Variants in RAP1GDS1 observed in about 807,000 individuals in gnomAD.
RAP1GDS1 encodes the protein Rap1 GTPase-GDP dissociation stimulator 1.
RAP1GDS1 carries 35 observed loss-of-function variants against 71.1 expected under a neutral mutation model. The observed-to-expected ratio is 0.49, with a 90% confidence interval of 0.38 to 0.65. The LOEUF (loss-of-function observed/expected upper bound fraction) is 0.65, where lower values mean the gene tolerates loss of function less well. Among genes scored for constraint, RAP1GDS1 ranks in the 30% least tolerant of loss-of-function variants. The pLI is 0.00. For missense variants in RAP1GDS1, 663 were observed against 706.1 expected (o/e 0.94, Z 0.69); for synonymous variants, 229 against 243.1 (o/e 0.94, Z 0.54).
chr4:98,392,923 C>G (rs995086960), intron 6 of RAP1GDS1, among the ~76,000 whole-genome samples: 1 of 152,112 alleles, frequency 6.6e-6, no homozygotes, highest in Admixed American at 6.6e-5. Context: ...GCTGGAAACA[C>G]ATCCTAGTCA....
intron 2 of RAP1GDS1, among the ~76,000 whole-genome samples, chr4:98,327,171 A>G (rs572895614): frequency 5.9e-5 from 9 of 152,212 alleles, no homozygotes; most frequent in Non-Finnish European, 8.8e-5. Context: ...TCTAAAGTAC[A>G]GTAAGCATAT....
intron 1 of RAP1GDS1, among the ~76,000 whole-genome samples, chr4:98,282,142 TTCCC>T (rs1401983533): frequency 6.6e-6 from 1 of 152,166 alleles, no homozygotes; most frequent in Non-Finnish European, 1.5e-5. Context: ...TTAGGGAGGA[TTCCC>T]TCTTTTTCTA....
chr4:98,316,308 A>G (rs1243647645), intron 2 of RAP1GDS1, among the ~76,000 whole-genome samples: 1 of 152,166 alleles, frequency 6.6e-6, no homozygotes, highest in Non-Finnish European at 1.5e-5. Flanking sequence ...GGTTTAAAAA[A>G]TGTTTAATAA....
At chr4:98,328,673 T>C (rs964087618) in intron 2 of RAP1GDS1, among the ~76,000 whole-genome samples, 1 of 152,162 alleles carries the variant, frequency 6.6e-6, no homozygotes, top group African/African-American at 2.4e-5. Flanking sequence ...CTCTGTATAG[T>C]CATCGTGATT....
chr4:98,421,299 C>G lies in RAP1GDS1; in HGVS notation c.1345C>G (p.Arg449Gly). The part of the protein sequence containing the change: ...QLGKNVKLVE[R>G]LVEWCEAKDH... ...GGGAAAGAATGTTAAGTTAGTGGAG[C>G]GTTTGGTGGAATGGTGTGAAGCCAA... is the stretch of plus-strand genomic sequence containing the variant. The change falls in exon 12 of 15, where the codon CGT becomes GGT. Residue 449 changes from arginine to glycine, a missense_variant. Coordinates refer to ENST00000408927, the MANE Select transcript of RAP1GDS1 (RefSeq NM_001100427.2). The G allele has an allele frequency of 1.2e-6, 2 of 1,610,774 alleles. No homozygotes were observed. The highest frequency in any genetic ancestry group is 1.7e-6 in the Non-Finnish European group (2 of 1,178,066).
Position 98,443,015 on chromosome 4 carries a change from ATTTT to A in RAP1GDS1, c.*918_*921del, listed in dbSNP as rs397994660. The A allele has an allele frequency of 3.5e-4, 49 of 138,122 alleles. No homozygotes were observed. Among genetic ancestry groups the A allele is most frequent in the Non-Finnish European group, 4.3e-4 (32 of 74,984 alleles). 8.6% of individuals were successfully genotyped at this position (138,122 alleles called of 1,614,324 possible). A position where few individuals can be genotyped will look rare whatever the true frequency, so the allele number is the denominator to read the frequency against. ...TGAGTATAGTTCATTGAAGAATGGA[ATTTT>A]TTTTTTTTTTTTTTTTTTTGCTGTT... On this transcript the variant is annotated 3_prime_UTR_variant, in exon 15 of 15. Coordinates refer to ENST00000408927, the MANE Select transcript of RAP1GDS1 (RefSeq NM_001100427.2).
At chr4:98,423,353 T>C (rs1455956905) in intron 12 of RAP1GDS1, among the ~76,000 whole-genome samples, 10 of 152,182 alleles carry the variant, frequency 6.6e-5, no homozygotes, top group Non-Finnish European at 1.3e-4. Context: ...TAAAGCAGTA[T>C]TGCTAGAACA....
At chr4:98,325,622 G>C (rs1211601738) in intron 2 of RAP1GDS1, among the ~76,000 whole-genome samples, 2 of 150,806 alleles carry the variant, frequency 1.3e-5, no homozygotes, top group African/African-American at 4.9e-5. Context: ...GTCCTTTGTA[G>C]GGACATGGAT....
At chr4:98,303,878 A>T (rs1406813092) in intron 2 of RAP1GDS1, among the ~76,000 whole-genome samples, 3 of 151,578 alleles carry the variant, frequency 2.0e-5, no homozygotes, top group Non-Finnish European at 4.4e-5. Flanking sequence ...TACAGACCCC[A>T]TTGTGTGGTG....
chr4:98,443,456 T>A lies in RAP1GDS1; in HGVS notation c.*1339T>A, dbSNP rs1168957506. The stretch of plus-strand genomic sequence containing the variant: ...ACCTGCCTTCTCCCCATACCCAAAT[T>A]TGACCACTACTGGCCTAAAAGGCAA... On this transcript the variant is annotated 3_prime_UTR_variant, in exon 15 of 15. Transcript: ENST00000408927. 4.3e-6 allele frequency: 1 copy of A among 230,266 alleles called. No homozygotes were observed. Among genetic ancestry groups the A allele is most frequent in the Non-Finnish European group, 8.6e-6 (1 of 116,290 alleles). The allele number at this position is 230,266 out of a possible 1,614,324, so 14.3% of individuals were successfully genotyped here. A position where few individuals can be genotyped will look rare whatever the true frequency, so the allele number is the denominator to read the frequency against.
At chr4:98,387,660 A>G (rs529366379) in intron 5 of RAP1GDS1, among the ~76,000 whole-genome samples, 3 of 152,194 alleles carry the variant, frequency 2.0e-5, no homozygotes, top group South Asian at 4.1e-4. Flanking sequence ...GTAAATCTGT[A>G]TTTGGTCAGT....
intron 2 of RAP1GDS1, among the ~76,000 whole-genome samples, chr4:98,339,496 T>G (rs1253963238): frequency 6.6e-6 from 1 of 152,154 alleles, no homozygotes; most frequent in African/African-American, 2.4e-5. Flanking sequence ...TCAATAGTAG[T>G]CTGGCTACAG....
intron 5 of RAP1GDS1, chr4:98,387,637 A>G (rs556890285): frequency 6.2e-6 from 2 of 324,872 alleles, no homozygotes; most frequent in Non-Finnish European, 1.3e-5. Flanking sequence ...TCATTTTGAT[A>G]TTATGTAATT....
At chr4:98,393,007 T>A (rs372663560) in intron 6 of RAP1GDS1, among the ~76,000 whole-genome samples, 1 of 152,266 alleles carries the variant, frequency 6.6e-6, no homozygotes, top group East Asian at 1.9e-4. Context: ...TACCCTTTCT[T>A]CTTCCCCACG....
intron 1 of RAP1GDS1, among the ~76,000 whole-genome samples, chr4:98,273,383 G>T (rs1230673031): frequency 4.0e-5 from 6 of 151,870 alleles, no homozygotes; most frequent in African/African-American, 1.5e-4. Flanking sequence ...ATAGAAAAGG[G>T]AAAAATATAT....
chr4:98,266,385 C>T (rs1247613049), intron 1 of RAP1GDS1, among the ~76,000 whole-genome samples: 3 of 152,016 alleles, frequency 2.0e-5, no homozygotes, highest in African/African-American at 7.2e-5. Flanking sequence ...TACTCTTAGA[C>T]TTTGTGAATT....
intron 5 of RAP1GDS1, among the ~76,000 whole-genome samples, chr4:98,382,132 T>G (rs1365583027): frequency 2.0e-5 from 3 of 151,608 alleles, no homozygotes; most frequent in Non-Finnish European, 4.4e-5. Context: ...TTTCAAAAGT[T>G]TTAAACTAGC....
chr4:98,291,953 A>G (rs888647068), intron 1 of RAP1GDS1, among the ~76,000 whole-genome samples: 1 of 152,110 alleles, frequency 6.6e-6, no homozygotes, highest in African/African-American at 2.4e-5. Flanking sequence ...AATATCCGCA[A>G]TTATCTGAAA....
intron 1 of RAP1GDS1, among the ~76,000 whole-genome samples, chr4:98,286,746 C>T (rs1187011335): frequency 4.0e-5 from 6 of 151,654 alleles, no homozygotes; most frequent in Non-Finnish European, 5.9e-5. Context: ...ATTAGCTGGG[C>T]GTGGTGGCAG....
Sources: allele counts gnomAD v4.1 joint callset (sites outside exome capture counted in the v4.1 genomes callset), GRCh38; gene constraint gnomAD v4.1.1; transcripts MANE v1.5; gene names NCBI Gene and HGNC (gene_info 2026-07-23, HGNC 2026-07-21).